Variants in PRKG1 observed in about 807,000 individuals in gnomAD.
The protein encoded by PRKG1 is protein kinase cGMP-dependent 1.
In PRKG1, 35 loss-of-function variants were observed where a neutral mutation model predicts 88.1. That is an observed-to-expected ratio of 0.40 (90% CI 0.30 to 0.53). PRKG1 has a LOEUF of 0.53. Among genes scored for constraint, PRKG1 ranks in the 20% least tolerant of loss-of-function variants. The probability of loss-of-function intolerance (pLI) is 0.59; values close to 1 mark genes in which losing one functional copy is unlikely to be tolerated. For missense variants in PRKG1, 540 were observed against 839.8 expected, an observed-to-expected ratio of 0.64 and a Z score of 4.41; for synonymous variants, 303 against 292.5, an observed-to-expected ratio of 1.04 and a Z score of -0.37.
At chr10:51,179,931 A>G (rs1008286353) in intron 2 of PRKG1, among the ~76,000 whole-genome samples, 3 of 152,176 alleles carry the variant, frequency 2.0e-5, no homozygotes, top group Non-Finnish European at 4.4e-5. Context: ...AAAATCCCCT[A>G]TGTAAAGTTT....
chr10:51,389,056 A>T (rs537077129), intron 2 of PRKG1, among the ~76,000 whole-genome samples: 29 of 152,342 alleles, frequency 1.9e-4, no homozygotes, highest in South Asian at 1.9e-3. Flanking sequence ...ATATAATTGT[A>T]CTGACCAGGC....
chr10:51,914,796 G>A (rs1295048580), intron 5 of PRKG1, among the ~76,000 whole-genome samples: 2 of 152,114 alleles, frequency 1.3e-5, no homozygotes, highest in Non-Finnish European at 2.9e-5. Context: ...GTGCACTTAT[G>A]TACGTTATTA....
intron 3 of PRKG1, among the ~76,000 whole-genome samples, chr10:51,626,214 C>T (rs779780763): frequency 1.4e-4 from 22 of 152,096 alleles, no homozygotes; most frequent in Non-Finnish European, 1.8e-4. Flanking sequence ...CAGAAATCCC[C>T]GTGAAAACTG....
chr10:51,585,746 A>T (rs1838156091), intron 3 of PRKG1, among the ~76,000 whole-genome samples: 1 of 152,180 alleles, frequency 6.6e-6, no homozygotes, highest in South Asian at 2.1e-4. Flanking sequence ...GGATTGGATA[A>T]AGAAAATGTG....
intron 2 of PRKG1, among the ~76,000 whole-genome samples, chr10:51,234,615 C>T (rs187141344): frequency 2.4e-3 from 372 of 151,864 alleles, no homozygotes; most frequent in Admixed American, 5.1e-3. Context: ...AAATAGAACA[C>T]GGGAAGACAA....
chr10:51,555,865 T>C (rs1837297026), intron 3 of PRKG1, among the ~76,000 whole-genome samples: 1 of 151,996 alleles, frequency 6.6e-6, no homozygotes, highest in African/African-American at 2.4e-5. Context: ...TGTTCTCTGA[T>C]ACCCCCTACA....
chr10:51,430,380 C>T (rs1038650700), intron 2 of PRKG1, among the ~76,000 whole-genome samples: 1 of 152,096 alleles, frequency 6.6e-6, no homozygotes, highest in Admixed American at 6.6e-5. Context: ...GAGATTGCAC[C>T]ACTGCACTCC....
chr10:51,005,183 A>G (rs1447580959), intron 1 of PRKG1, among the ~76,000 whole-genome samples: 1 of 152,198 alleles, frequency 6.6e-6, no homozygotes, highest in Non-Finnish European at 1.5e-5. Context: ...GCCAAAAGGT[A>G]AAATCATTTT....
At chr10:51,263,594 C>T (rs996698177) in intron 2 of PRKG1, among the ~76,000 whole-genome samples, 2 of 152,188 alleles carry the variant, frequency 1.3e-5, no homozygotes, top group East Asian at 3.9e-4. Flanking sequence ...AAACCTTGCT[C>T]TCTTTATGTC....
At chr10:51,559,931 CT>C (rs1468361132) in intron 3 of PRKG1, among the ~76,000 whole-genome samples, 1 of 152,120 alleles carries the variant, frequency 6.6e-6, no homozygotes, top group African/African-American at 2.4e-5. Flanking sequence ...TATCCTCTCC[CT>C]GATCACTCAT....
chr10:51,053,659 AT>A (rs1843592806), intron 1 of PRKG1, among the ~76,000 whole-genome samples: 2 of 152,234 alleles, frequency 1.3e-5, no homozygotes, highest in Non-Finnish European at 2.9e-5. Flanking sequence ...AAGGAAAACA[AT>A]AAAACTTTGG....
At chr10:51,309,549 T>C (rs970232025) in intron 2 of PRKG1, among the ~76,000 whole-genome samples, 7 of 152,174 alleles carry the variant, frequency 4.6e-5, no homozygotes, top group Non-Finnish European at 8.8e-5. Context: ...TGAGTTAGCA[T>C]CTTATACCAG....
intron 7 of PRKG1, among the ~76,000 whole-genome samples, chr10:52,080,213 C>T (rs2133302630): frequency 6.6e-6 from 1 of 152,256 alleles, no homozygotes; most frequent in South Asian, 2.1e-4. Flanking sequence ...TTCCTTTTGC[C>T]TCTGTGCTAT....
At chr10:51,307,037 A>C (rs2132481845) in intron 2 of PRKG1, among the ~76,000 whole-genome samples, 1 of 152,240 alleles carries the variant, frequency 6.6e-6, no homozygotes, top group African/African-American at 2.4e-5. Context: ...CTGGATTCTG[A>C]GTATCAGTTG....
At chr10:51,037,385 G>A (rs1228725526) in intron 1 of PRKG1, among the ~76,000 whole-genome samples, 1 of 152,166 alleles carries the variant, frequency 6.6e-6, no homozygotes, top group Non-Finnish European at 1.5e-5. Context: ...GATCCTTTGA[G>A]CCTGGAAGGT....
intron 2 of PRKG1, among the ~76,000 whole-genome samples, chr10:51,280,714 A>G (rs1404054455): frequency 6.6e-6 from 1 of 152,206 alleles, no homozygotes; most frequent in Admixed American, 6.5e-5. Flanking sequence ...TTTCAGCTGC[A>G]TCAGGTCATT....
At chr10:51,195,145 G>A (rs1181465451) in intron 2 of PRKG1, among the ~76,000 whole-genome samples, 2 of 152,138 alleles carry the variant, frequency 1.3e-5, no homozygotes, top group Non-Finnish European at 2.9e-5. Flanking sequence ...TTGAGAAAAG[G>A]GTGTTGTATT....
intron 5 of PRKG1, among the ~76,000 whole-genome samples, chr10:51,911,944 G>T (rs141381216): frequency 6.3e-4 from 96 of 152,310 alleles, no homozygotes; most frequent in African/African-American, 2.1e-3. Context: ...CTTGCCATGT[G>T]CCAGGAATTG....
At chr10:51,416,520 C>G (rs1340554296) in intron 2 of PRKG1, among the ~76,000 whole-genome samples, 4 of 152,116 alleles carry the variant, frequency 2.6e-5, no homozygotes, top group Admixed American at 1.3e-4. Flanking sequence ...CCTGTCTCAA[C>G]CAGTTTCAAA....
Sources: gnomAD v4.1 joint callset for allele counts (sites outside exome capture counted in the v4.1 genomes callset) on GRCh38, gnomAD v4.1.1 for gene constraint, MANE v1.5 for transcripts, NCBI Gene and HGNC (gene_info 2026-07-23, HGNC 2026-07-21) for gene names.